The following SDK1 variants were observed in gnomAD, a reference collection of about 807,000 sequenced individuals.
The protein encoded by SDK1 is sidekick cell adhesion molecule 1, also known as protein sidekick-1.
SDK1 carries 157 observed loss-of-function variants against 245.5 expected under a neutral mutation model. The observed-to-expected ratio is 0.64, with a 90% CI of 0.56 to 0.73. The LOEUF is 0.73. Ranked by LOEUF, SDK1 falls within the 30% of genes least tolerant of loss-of-function variation. The pLI is 0.00. For synonymous variants in SDK1, 1,647 were observed against 1,278.5 expected (o/e 1.29, Z -6.15); for missense variants, 3,583 against 3,002.3 (o/e 1.19, Z -4.52).
At chr7:4,257,918 G>C (rs1334936140) in intron 44 of SDK1, among the ~76,000 whole-genome samples, 1 of 150,610 alleles carries the variant, frequency 6.6e-6, no homozygotes, top group Admixed American at 6.6e-5. Context: ...TTTTCTGAGA[G>C]GCAAGCTAGC....
chr7:3,692,415 A>C (rs562437690), intron 4 of SDK1, among the ~76,000 whole-genome samples: 1 of 152,048 alleles, frequency 6.6e-6, no homozygotes, highest in African/African-American at 2.4e-5. Context: ...CATACTATAT[A>C]GTTAGTTTTG....
intron 5 of SDK1, among the ~76,000 whole-genome samples, chr7:3,849,374 C>A (rs1780363841): frequency 6.6e-6 from 1 of 152,176 alleles, no homozygotes. Flanking sequence ...ACCTTGTATC[C>A]TTGAGTAGTG....
intron 1 of SDK1, among the ~76,000 whole-genome samples, chr7:3,548,982 C>G (rs975920943): frequency 6.6e-6 from 1 of 152,176 alleles, no homozygotes; most frequent in Non-Finnish European, 1.5e-5. Flanking sequence ...TCCCTACTAT[C>G]AATATATTGG....
At chr7:3,409,457 C>G (rs1444326498) in intron 1 of SDK1, among the ~76,000 whole-genome samples, 1 of 152,160 alleles carries the variant, frequency 6.6e-6, no homozygotes, top group Admixed American at 6.5e-5. Flanking sequence ...GGCTGACTTT[C>G]ACCCATGGAC....
At chr7:3,847,910 C>G (rs1264778307) in intron 5 of SDK1, among the ~76,000 whole-genome samples, 2 of 152,210 alleles carry the variant, frequency 1.3e-5, no homozygotes, top group Non-Finnish European at 2.9e-5. Flanking sequence ...CTCCGCTGCA[C>G]CCCTCCCAGA....
intron 29 of SDK1, among the ~76,000 whole-genome samples, chr7:4,147,352 G>A (rs1325983501): frequency 1.3e-5 from 2 of 152,036 alleles, no homozygotes; most frequent in Non-Finnish European, 2.9e-5. Context: ...ATTATGTTCT[G>A]AAGAGACAGA....
chr7:3,503,464 A>G (rs951617115), intron 1 of SDK1, among the ~76,000 whole-genome samples: 2 of 152,082 alleles, frequency 1.3e-5, no homozygotes, highest in African/African-American at 2.4e-5. Context: ...GGATTGCTTG[A>G]GCCCAGGAGT....
Position 4,268,661 on chromosome 7 carries a change from G to A in SDK1, c.*3277G>A, listed in dbSNP as rs761378574. On this transcript the variant is annotated 3_prime_UTR_variant, in exon 45 of 45. Transcript: ENST00000404826. ...TCGTAGCATGGTTTTTATTTCTTAC[G>A]CATTCTTGGCACACAGTGTAGCTAT... is the stretch of plus-strand genomic sequence containing the variant. The A allele has an allele frequency of 2.2e-6, 3 of 1,367,710 alleles. No individual in the cohort carries two copies. The highest frequency in any genetic ancestry group is 1.1e-5 in the South Asian group (1 of 88,038). 84.7% of individuals were successfully genotyped at this position (1,367,710 alleles called of 1,614,324 possible).
chr7:3,386,154 CA>C (rs1781604730), intron 1 of SDK1, among the ~76,000 whole-genome samples: 1 of 152,044 alleles, frequency 6.6e-6, no homozygotes, highest in African/African-American at 2.4e-5. Context: ...AATTGGATAG[CA>C]GAAATAAGAC....
intron 4 of SDK1, among the ~76,000 whole-genome samples, chr7:3,650,196 T>G (rs138877511): frequency 7.2e-5 from 11 of 152,280 alleles, no homozygotes; most frequent in African/African-American, 2.6e-4. Context: ...AGTACAGGTG[T>G]GAGTCACCAT....
At chr7:3,950,498 C>T (rs931890186) in intron 5 of SDK1, among the ~76,000 whole-genome samples, 2 of 152,136 alleles carry the variant, frequency 1.3e-5, no homozygotes, top group Admixed American at 1.3e-4. Flanking sequence ...ACTTTCATTA[C>T]ATTATGTTAT....
At chr7:3,432,777 C>T (rs1296273915) in intron 1 of SDK1, among the ~76,000 whole-genome samples, 3 of 152,116 alleles carry the variant, frequency 2.0e-5, no homozygotes, top group South Asian at 2.1e-4. Flanking sequence ...GAGTCAGTTT[C>T]CCTCCACAAA....
intron 1 of SDK1, among the ~76,000 whole-genome samples, chr7:3,524,325 T>C (rs1387922938): frequency 1.3e-5 from 2 of 152,090 alleles, no homozygotes; most frequent in Non-Finnish European, 2.9e-5. Flanking sequence ...ACAAAATTAC[T>C]GTGGTTGCGG....
At chr7:3,875,066 T>C (rs1211182506) in intron 5 of SDK1, among the ~76,000 whole-genome samples, 1 of 152,242 alleles carries the variant, frequency 6.6e-6, no homozygotes, top group East Asian at 1.9e-4. Flanking sequence ...TACTTGGCCT[T>C]AGGCAGTTTA....
chr7:4,008,878 C>T (rs954153535), intron 14 of SDK1, among the ~76,000 whole-genome samples: 4 of 152,186 alleles, frequency 2.6e-5, no homozygotes, highest in East Asian at 1.9e-4. Flanking sequence ...CATATCTCTT[C>T]GAACCCCTCC....
intron 19 of SDK1, among the ~76,000 whole-genome samples, chr7:4,055,854 ATTT>A (rs1779163150): frequency 1.3e-5 from 2 of 151,830 alleles, no homozygotes. Context: ...AGTTCTCTGT[ATTT>A]TTATTTCCTT....
chr7:3,993,456 C>G (rs531547908), intron 14 of SDK1, among the ~76,000 whole-genome samples: 12 of 152,144 alleles, frequency 7.9e-5, no homozygotes, highest in African/African-American at 2.9e-4. Context: ...TCTACTCAGT[C>G]CTACGGTTAG....
chr7:4,166,500 C>A (rs1029004334), intron 32 of SDK1, among the ~76,000 whole-genome samples: 1 of 152,230 alleles, frequency 6.6e-6, no homozygotes, highest in Admixed American at 6.5e-5. Context: ...GCGTGGCCCC[C>A]GGCACAGCCT....
intron 4 of SDK1, among the ~76,000 whole-genome samples, chr7:3,712,610 A>T (rs77983436): frequency 0.012 from 1,817 of 152,306 alleles, 38 homozygotes; most frequent in African/African-American, 0.041. Flanking sequence ...CTACAGCATT[A>T]TAACGATATT....
Sources: gnomAD v4.1 joint callset for allele counts (sites outside exome capture counted in the v4.1 genomes callset) on GRCh38, gnomAD v4.1.1 for gene constraint, MANE v1.5 for transcripts, NCBI Gene and HGNC (gene_info 2026-07-23, HGNC 2026-07-21) for gene names.